NELL1: variants seen among roughly 807,000 people sequenced by gnomAD.
NELL1 encodes the protein neural EGFL like 1, also known as protein kinase C-binding protein NELL1.
NELL1 carries 76 observed loss-of-function variants against 107.4 expected under a neutral mutation model. That is an observed-to-expected ratio of 0.71 (90% confidence interval 0.59 to 0.86). NELL1 has a LOEUF of 0.86. NELL1 is among the 40% of genes least tolerant of loss of function. The pLI is 0.00. For missense variants in NELL1, 1,024 were observed against 1,005.5 expected, an observed-to-expected ratio of 1.02 and a Z score of -0.25; for synonymous variants, 353 against 341.2, an observed-to-expected ratio of 1.03 and a Z score of -0.38.
intron 2 of NELL1, among the ~76,000 whole-genome samples, chr11:20,709,762 G>T (rs1298986407): frequency 6.6e-6 from 1 of 151,874 alleles, no homozygotes; most frequent in African/African-American, 2.4e-5. Context: ...TCACGTCCTT[G>T]GTTAGGTATA....
chr11:20,796,176 A>G (rs1857165961), intron 3 of NELL1, among the ~76,000 whole-genome samples: 2 of 152,218 alleles, frequency 1.3e-5, no homozygotes, highest in Non-Finnish European at 2.9e-5. Flanking sequence ...ACCATTTGAA[A>G]TAGTAATTAG....
chr11:20,755,180 A>C (rs74996170), intron 2 of NELL1, among the ~76,000 whole-genome samples: 3,136 of 152,216 alleles, frequency 0.021, 99 homozygotes, highest in African/African-American at 0.071. Flanking sequence ...GCTGTTACTT[A>C]GAGGGCTGCT....
chr11:20,797,913 C>T (rs962588343), intron 3 of NELL1, among the ~76,000 whole-genome samples: 7 of 152,126 alleles, frequency 4.6e-5, no homozygotes, highest in African/African-American at 1.7e-4. Context: ...ACCACAAATA[C>T]AGAAAAGTAG....
intron 9 of NELL1, among the ~76,000 whole-genome samples, chr11:20,933,277 T>TAG (rs1850655250): frequency 6.6e-6 from 1 of 152,170 alleles, no homozygotes; most frequent in African/African-American, 2.4e-5. Context: ...GCTGGCACAT[T>TAG]AGAGATACTC....
intron 15 of NELL1, among the ~76,000 whole-genome samples, chr11:21,469,174 A>G (rs1443147012): frequency 6.6e-6 from 1 of 152,048 alleles, no homozygotes; most frequent in Non-Finnish European, 1.5e-5. Context: ...ACTTTCTATG[A>G]AAACACATGC....
chr11:21,490,544 A>C (rs1854777682), intron 15 of NELL1, among the ~76,000 whole-genome samples: 1 of 152,176 alleles, frequency 6.6e-6, no homozygotes, highest in Non-Finnish European at 1.5e-5. Flanking sequence ...ACCTAACTTC[A>C]AAATATATTA....
In NELL1 at chr11:20,860,185, G is replaced by C. The variant is rs116437765; in HGVS notation, c.506+12432G>C. On this transcript the variant is annotated intron_variant, in intron 4 of 19. Coordinates refer to ENST00000357134, the MANE Select transcript of NELL1 (RefSeq NM_006157.5). Reference sequence around the variant, plus strand: ...TACATCCTTAATTTTCAGGCTAAAAGAAAGGGGCCTCTTGTGTTTTACACT... The same window carrying C: ...TACATCCTTAATTTTCAGGCTAAAACAAAGGGGCCTCTTGTGTTTTACACT... Among the ~76,000 whole-genome samples the C allele has an allele frequency of 1.6e-3, 241 of 152,260 alleles. 3 individuals are homozygous for C. Among genetic ancestry groups the C allele is most frequent in the African/African-American group, 5.6e-3 (231 of 41,550 alleles).
chr11:20,757,018 T>TA (rs1335229329), intron 2 of NELL1, among the ~76,000 whole-genome samples: 1 of 152,152 alleles, frequency 6.6e-6, no homozygotes, highest in Non-Finnish European at 1.5e-5. Context: ...GTGGTGGTGA[T>TA]AGAGATAGAT....
At chr11:20,770,206 G>T (rs746333201) in intron 2 of NELL1, among the ~76,000 whole-genome samples, 2 of 152,192 alleles carry the variant, frequency 1.3e-5, no homozygotes, top group African/African-American at 2.4e-5. Context: ...GTGGGAAATT[G>T]GTTGAGAAAG....
Position 20,838,335 on chromosome 11 carries a change from G to T in NELL1, c.336-9248G>T, listed in dbSNP as rs76676714. On this transcript the variant is annotated intron_variant, in intron 3 of 19. Coordinates refer to ENST00000357134, the MANE Select transcript of NELL1 (RefSeq NM_006157.5). ...AGGAGGCATGACAAACAAATGTATC[G>T]TAGCATCCTAGATAAGAGTGTGGAA... 1.1e-4 allele frequency among the ~76,000 whole-genome samples: 17 copies of T among 148,464 alleles called. No homozygotes were observed. In the East Asian group the frequency reaches 2.9e-3, roughly 26 times the overall value.
At chr11:21,543,673 C>A (rs1856353350) in intron 16 of NELL1, among the ~76,000 whole-genome samples, 1 of 151,986 alleles carries the variant, frequency 6.6e-6, no homozygotes, top group Non-Finnish European at 1.5e-5. Flanking sequence ...CTTTTCTAGT[C>A]CTGCCATACA....
At chr11:21,545,497 T>C (rs1003866581) in intron 16 of NELL1, among the ~76,000 whole-genome samples, 6 of 151,958 alleles carry the variant, frequency 3.9e-5, no homozygotes, top group Admixed American at 3.3e-4. Context: ...AAAAGATTAA[T>C]ACGTTCCCCT....
intron 3 of NELL1, among the ~76,000 whole-genome samples, chr11:20,804,118 A>G (rs947315647): frequency 2.0e-5 from 3 of 152,096 alleles, no homozygotes; most frequent in Non-Finnish European, 2.9e-5. Flanking sequence ...TTACTAATAC[A>G]TTGGTGCTTA....
intron 12 of NELL1, among the ~76,000 whole-genome samples, chr11:21,058,993 G>A (rs1159294763): frequency 6.6e-6 from 1 of 152,086 alleles, no homozygotes; most frequent in Non-Finnish European, 1.5e-5. Context: ...GCCACCTTTG[G>A]TGGCCAATCA....
chr11:21,281,876 T>A (rs1849003095), intron 14 of NELL1, among the ~76,000 whole-genome samples: 1 of 152,214 alleles, frequency 6.6e-6, no homozygotes, highest in Admixed American at 6.5e-5. Context: ...ATCTAAGACC[T>A]CAAACTATGA....
At chr11:20,826,210 A>G (rs1857880190) in intron 3 of NELL1, among the ~76,000 whole-genome samples, 1 of 151,348 alleles carries the variant, frequency 6.6e-6, no homozygotes, top group East Asian at 1.9e-4. Context: ...ATGAGAATGG[A>G]CTAATATAGT....
At chr11:21,098,957 A>G (rs1470934841) in intron 12 of NELL1, among the ~76,000 whole-genome samples, 1 of 151,862 alleles carries the variant, frequency 6.6e-6, no homozygotes, top group Non-Finnish European at 1.5e-5. Flanking sequence ...TAACCTTCAG[A>G]AAATTATTAT....
chr11:20,859,950 T>C (rs1848949951), intron 4 of NELL1, among the ~76,000 whole-genome samples: 1 of 152,224 alleles, frequency 6.6e-6, no homozygotes, highest in Admixed American at 6.5e-5. Context: ...GCTTGTTTAA[T>C]AGCCTCTGAT....
chr11:20,835,910 A>G (rs1171644277), intron 3 of NELL1, among the ~76,000 whole-genome samples: 1 of 152,180 alleles, frequency 6.6e-6, no homozygotes, highest in Non-Finnish European at 1.5e-5. Flanking sequence ...TGATCCATGG[A>G]AGAAAAAGTT....
Sources: gnomAD v4.1 joint callset for allele counts (sites outside exome capture counted in the v4.1 genomes callset) on GRCh38, gnomAD v4.1.1 for gene constraint, MANE v1.5 for transcripts, NCBI Gene and HGNC (gene_info 2026-07-23, HGNC 2026-07-21) for gene names.